Variants in INPP5A observed in about 807,000 individuals in gnomAD.
INPP5A encodes the protein inositol polyphosphate-5-phosphatase A, also known as 43 kDa inositol polyphosphate 5-phophatase.
Under a neutral mutation model 65.2 loss-of-function variants are expected in INPP5A, and 14 were observed. The ratio of observed to expected loss-of-function variants is 0.21; its 90% CI spans 0.14 to 0.34. INPP5A has a LOEUF of 0.34. INPP5A is among the 10% of genes least tolerant of loss of function. The pLI is 1.00. For synonymous variants in INPP5A, 207 were observed against 208.3 expected (o/e 0.99, Z 0.05); for missense variants, 431 against 545.6 (o/e 0.79, Z 2.09).
intron 9 of INPP5A, among the ~76,000 whole-genome samples, chr10:132,746,646 C>A (rs1454520434): frequency 6.6e-6 from 1 of 152,164 alleles, no homozygotes; most frequent in East Asian, 1.9e-4. Context: ...ACACAGCGTT[C>A]CCGTTAAATT....
At chr10:132,763,276 G>T (rs1590995736) in intron 11 of INPP5A, among the ~76,000 whole-genome samples, 1 of 152,218 alleles carries the variant, frequency 6.6e-6, no homozygotes, top group South Asian at 2.1e-4. Context: ...CATAGCTGGT[G>T]CCTGCAGAGC....
rs1845616573 is a variant in INPP5A at position 132,710,533 on chromosome 10, G to T, written c.647+77G>T. ...CAGGCAGGTGTGAGTGGAGAGGTAG[G>T]TGTGGGCGGACAAGTAGGTATGCTG... On this transcript the variant is annotated intron_variant, in intron 8 of 15. Coordinates refer to ENST00000368594, the MANE Select transcript of INPP5A (RefSeq NM_005539.5). The T allele has an allele frequency of 2.6e-6, 4 of 1,555,980 alleles. No homozygotes were observed. The South Asian group carries it at 4.6e-5, about 18-fold the overall frequency.
At chr10:132,709,563 G>A (rs180908566) in intron 7 of INPP5A, among the ~76,000 whole-genome samples, 6 of 152,252 alleles carry the variant, frequency 3.9e-5, no homozygotes, top group South Asian at 2.1e-4. Context: ...CATGGGGCAC[G>A]TTCACCAGGC....
rs1004161639 is a variant in INPP5A, at chr10:132,676,069, A to G, written c.307-14323A>G. Among the ~76,000 whole-genome samples the G allele has an allele frequency of 6.6e-6, 1 of 152,252 alleles. No individual in the cohort carries two copies. The highest frequency in any genetic ancestry group is 1.5e-5 in the Non-Finnish European group (1 of 68,046). On this transcript the variant is annotated intron_variant, in intron 4 of 15. Coordinates refer to ENST00000368594, the MANE Select transcript of INPP5A (RefSeq NM_005539.5). The surrounding 1 kb of genome is among the most constrained non-coding windows in gnomAD (Gnocchi z 4.0). Reference sequence around the variant, plus strand: ...TAAAAGTTTATTGATTTACTTGTATAATCATTTATACGTAGAAAAATATAA... The same window carrying G: ...TAAAAGTTTATTGATTTACTTGTATGATCATTTATACGTAGAAAAATATAA...
At chr10:132,554,207 C>G (rs114064188) in intron 1 of INPP5A, among the ~76,000 whole-genome samples, 7 of 152,166 alleles carry the variant, frequency 4.6e-5, no homozygotes, top group African/African-American at 1.4e-4. Context: ...ACTTTCAGGG[C>G]CTCACTAGCC....
intron 1 of INPP5A, among the ~76,000 whole-genome samples, chr10:132,553,579 G>T (rs184583308): frequency 7.0e-6 from 1 of 143,018 alleles, no homozygotes; most frequent in African/African-American, 2.6e-5. Flanking sequence ...CCTTGATGTG[G>T]AATATTGAGT....
rs747556695 is a variant in INPP5A at position 132,722,604 on chromosome 10, C to T, written c.648-4217C>T. 3.9e-5 allele frequency among the ~76,000 whole-genome samples: 6 copies of T among 152,184 alleles called. No individual in the cohort carries two copies. The East Asian group carries it at 5.8e-4, about 15-fold the overall frequency. ...CGGAACGTTCAACCCGTGACTCTCC[C>T]TAAGTCTTTAATCTGCGGTGTCGTG... On this transcript the variant is annotated intron_variant, in intron 8 of 15. Transcript: ENST00000368594.
rs964870985 is a variant in INPP5A, at chr10:132,707,681, T to A, written c.475-632T>A. ...TCTTAAAGAACACCCCTCTTTGGAA[T>A]CTCATGCTGTTGACTGTTTCACTTG... On this transcript the variant is annotated intron_variant, in intron 6 of 15. Coordinates refer to ENST00000368594, the MANE Select transcript of INPP5A (RefSeq NM_005539.5). The surrounding 1 kb of genome is among the most constrained non-coding windows in gnomAD (Gnocchi z 5.5). Among the ~76,000 whole-genome samples the A allele has an allele frequency of 6.6e-6, 1 of 152,162 alleles. No homozygotes were observed.
Position 132,562,755 on chromosome 10 carries a change from C to T in INPP5A, c.75+24584C>T, listed in dbSNP as rs542304982. ...TCATCTCGAGGGTGAATTAAAGTCA[C>T]CCCACGCCCAGGACCAGACCTTGGC... On this transcript the variant is annotated intron_variant, in intron 1 of 15. Coordinates refer to ENST00000368594, the MANE Select transcript of INPP5A (RefSeq NM_005539.5). Among the ~76,000 whole-genome samples, 10 of 152,372 alleles carry T rather than the reference C, an allele frequency of 6.6e-5. No homozygotes were observed. In the South Asian group the frequency reaches 2.1e-3, roughly 32 times the overall value.
In INPP5A at chr10:132,727,967, A is replaced by G. The variant is rs1364251793; in HGVS notation, c.732+1062A>G. On this transcript the variant is annotated intron_variant, in intron 9 of 15. Transcript: ENST00000368594. The surrounding 1 kb of genome is among the most constrained non-coding windows in gnomAD (Gnocchi z 6.5). Reference sequence around the variant, plus strand: ...AACACCCACACGTATTCATCTTCCAACGGTGGCAGGACATTGTTTCTGAAA... The same window carrying G: ...AACACCCACACGTATTCATCTTCCAGCGGTGGCAGGACATTGTTTCTGAAA... 6.6e-6 allele frequency among the ~76,000 whole-genome samples: 1 copy of G among 152,180 alleles called. No individual in the cohort carries two copies.
chr10:132,744,903 G>A (rs1191974819), intron 9 of INPP5A, among the ~76,000 whole-genome samples: 2 of 152,190 alleles, frequency 1.3e-5, no homozygotes, highest in Non-Finnish European at 2.9e-5. Context: ...TAGACATGCC[G>A]CCACAGACCA....
At chr10:132,781,160 G>A (rs565721750) in intron 14 of INPP5A, among the ~76,000 whole-genome samples, 3 of 152,242 alleles carry the variant, frequency 2.0e-5, no homozygotes, top group South Asian at 4.1e-4. Flanking sequence ...GAAGAAGGCA[G>A]AAATGACGTT....
intron 2 of INPP5A, among the ~76,000 whole-genome samples, chr10:132,613,722 T>C (rs1462521884): frequency 6.6e-6 from 1 of 152,206 alleles, no homozygotes; most frequent in African/African-American, 2.4e-5. Flanking sequence ...GCGGCTGCAC[T>C]GAGGGGCCTC....
At chr10:132,609,391 C>T (rs1165738793) in intron 2 of INPP5A, among the ~76,000 whole-genome samples, 2 of 152,156 alleles carry the variant, frequency 1.3e-5, no homozygotes, top group East Asian at 3.9e-4. Context: ...GGGCCAGTGG[C>T]GGGGGCGGGT....
intron 4 of INPP5A, among the ~76,000 whole-genome samples, chr10:132,684,109 G>A: frequency 6.6e-6 from 1 of 152,240 alleles, no homozygotes; most frequent in East Asian, 1.9e-4. Flanking sequence ...GGACATTTGA[G>A]AAACTGTCCT....
chr10:132,574,701 T>G (rs2071394388), intron 1 of INPP5A, among the ~76,000 whole-genome samples: 1 of 151,466 alleles, frequency 6.6e-6, no homozygotes, highest in East Asian at 1.9e-4. Flanking sequence ...TCAGTATTTT[T>G]TTTTTTTGAG....
At chr10:132,765,587 C>G (rs936510833) in intron 11 of INPP5A, among the ~76,000 whole-genome samples, 186 bp from the exon 12 acceptor site, 1 of 152,234 alleles carries the variant, frequency 6.6e-6, no homozygotes, top group Admixed American at 6.5e-5. Context: ...GTCCCACTGT[C>G]TGCAGCAGAG....
rs994832445 is a variant in INPP5A, at chr10:132,651,680, C to T, written c.306+1175C>T. ...CCGTAGGCTGCAGTGCTGAGGGTCTCGCTCTCCAGTGCCCCCCTGCCCTGC... is the reference window on the plus strand; with the variant it reads ...CCGTAGGCTGCAGTGCTGAGGGTCTTGCTCTCCAGTGCCCCCCTGCCCTGC... On this transcript the variant is annotated intron_variant, in intron 4 of 15. Transcript: ENST00000368594. This position sits in a 1 kb window ranked among gnomAD's most constrained non-coding sequence, Gnocchi z 5.0. Among the ~76,000 whole-genome samples the T allele has an allele frequency of 2.0e-5, 3 of 152,224 alleles. No homozygotes were observed. Among genetic ancestry groups the T allele is most frequent in the Admixed American group, 2.0e-4 (3 of 15,292 alleles).
chr10:132,724,203 CAAAA>C (rs200683281), intron 8 of INPP5A, among the ~76,000 whole-genome samples: 4 of 152,040 alleles, frequency 2.6e-5, no homozygotes, highest in African/African-American at 9.7e-5. Context: ...TAGATTGTCT[CAAAA>C]AAACCCGTGC....
Sources: gnomAD v4.1 joint callset for allele counts (sites outside exome capture counted in the v4.1 genomes callset) on GRCh38, gnomAD v4.1.1 for gene constraint, Gnocchi (gnomAD v3.1) non-coding constraint, MANE v1.5 for transcripts, NCBI Gene and HGNC (gene_info 2026-07-23, HGNC 2026-07-21) for gene names.